The following CUX1 variants were observed in gnomAD, a reference collection of about 807,000 sequenced individuals.
The protein encoded by CUX1 is protein CASP.
Under a neutral mutation model 158.8 loss-of-function variants are expected in CUX1, and 31 were observed. The observed-to-expected ratio is 0.20, with a 90% CI of 0.15 to 0.26. The LOEUF (loss-of-function observed/expected upper bound fraction) is 0.26, where lower values mean the gene tolerates loss of function less well. Ranked by LOEUF, CUX1 falls within the 10% of genes least tolerant of loss-of-function variation. The pLI is 1.00. For missense variants in CUX1, 1,589 were observed against 2,014.6 expected (o/e 0.79, Z 4.04); for synonymous variants, 879 against 862.1 (o/e 1.02, Z -0.34).
In CUX1 at chr7:102,201,394, C is replaced by T. The variant is rs376585318; in HGVS notation, c.2097C>T (p.Ser699=). The change falls in exon 18 of 24, where the codon AGC becomes AGT. Residue 699 remains serine (S), a synonymous_variant. Transcript: ENST00000292535. This position sits in a 1 kb window ranked among gnomAD's most constrained non-coding sequence, Gnocchi z 5.0. ...CCCAGCCTTCCTCCGCATCCGGCAG[C>T]GGGAACTCTGATGACGCCATCCGCT... ...EPAQPSSASG[S]GNSDDAIRSI... The T allele has an allele frequency of 8.7e-6, 14 of 1,613,792 alleles. No individual in the cohort carries two copies. The highest frequency in any genetic ancestry group is 8.0e-5 in the African/African-American group (6 of 74,940).
chr7:102,129,408 G>A (rs1178177149), intron 8 of CUX1, among the ~76,000 whole-genome samples: 1 of 152,136 alleles, frequency 6.6e-6, no homozygotes, highest in Non-Finnish European at 1.5e-5. Context: ...CCAGGGCTGG[G>A]CACAGTGGCT....
intron 4 of CUX1, among the ~76,000 whole-genome samples, chr7:102,084,427 CTT>C (rs11353240): frequency 9.5e-5 from 11 of 116,274 alleles, no homozygotes; most frequent in South Asian, 2.7e-4. Context: ...ATACTTTTTT[CTT>C]TTTTTTTTTT....
chr7:102,058,862 C>T (rs1320739603), intron 3 of CUX1, among the ~76,000 whole-genome samples: 1 of 152,182 alleles, frequency 6.6e-6, no homozygotes, highest in Non-Finnish European at 1.5e-5. Flanking sequence ...TTTTTGGGAG[C>T]AGCAGTAGGA....
intron 1 of CUX1, among the ~76,000 whole-genome samples, chr7:101,853,666 A>G (rs1584768260): frequency 6.6e-6 from 1 of 151,122 alleles, no homozygotes; most frequent in Middle Eastern, 3.4e-3. Context: ...TAAGTAATTA[A>G]CCCAGGTGTC....
At chr7:102,104,175 AAAGGTCTCTG>A (rs1165730854) in intron 5 of CUX1, among the ~76,000 whole-genome samples, 151 bp from the exon 6 acceptor site, 1 of 152,148 alleles carries the variant, frequency 6.6e-6, no homozygotes, top group African/African-American at 2.4e-5. Flanking sequence ...TTAGGGAGTA[AAAGGTCTCTG>A]AAGGGACTCA....
chr7:101,921,293 G>A (rs1180466400), intron 2 of CUX1, among the ~76,000 whole-genome samples: 4 of 152,106 alleles, frequency 2.6e-5, no homozygotes, highest in Non-Finnish European at 4.4e-5. Context: ...GTGCCTGTAC[G>A]AGAAGGGCTG....
At chr7:101,839,297 C>G (rs370719632) in intron 1 of CUX1, among the ~76,000 whole-genome samples, 1 of 152,164 alleles carries the variant, frequency 6.6e-6, no homozygotes, top group Non-Finnish European at 1.5e-5. Context: ...TCTGACCCCC[C>G]TCCCCCAAGC....
chr7:101,857,868 A>T (rs890035840), intron 1 of CUX1, among the ~76,000 whole-genome samples: 1 of 152,154 alleles, frequency 6.6e-6, no homozygotes, highest in Non-Finnish European at 1.5e-5. Flanking sequence ...CACGCCTGTA[A>T]TCCCAGCACT....
chr7:102,252,003 A>G lies in CUX1; in HGVS notation c.*2961A>G. The G allele has an allele frequency of 1.0e-6, 1 of 985,368 alleles. No individual in the cohort carries two copies. Among genetic ancestry groups the G allele is most frequent in the South Asian group, 4.7e-5 (1 of 21,278 alleles). 61.0% of individuals were successfully genotyped at this position (985,368 alleles called of 1,614,324 possible). A position where few individuals can be genotyped will look rare whatever the true frequency, so the allele number is the denominator to read the frequency against. The stretch of plus-strand genomic sequence containing the variant: ...TCTGTTTTTACTTCTTAGATTTTTA[A>G]CTAGGTTACTGTTGGTTCCCATTCT... On this transcript the variant is annotated 3_prime_UTR_variant, in exon 24 of 24. Transcript: ENST00000292535.
intron 2 of CUX1, among the ~76,000 whole-genome samples, chr7:101,939,093 ATATATATATATATATATAT>A (rs1807361918): frequency 1.5e-5 from 1 of 64,696 alleles, no homozygotes; most frequent in Non-Finnish European, 3.4e-5. Flanking sequence ...ATATATATAT[ATATATATATATATATATAT>A]ATGATGGTTC....
At chr7:101,984,657 G>A (rs1448129732) in intron 2 of CUX1, among the ~76,000 whole-genome samples, 1 of 152,172 alleles carries the variant, frequency 6.6e-6, no homozygotes, top group Non-Finnish European at 1.5e-5. Flanking sequence ...CAGATGGGCA[G>A]TCGGGAGGGA....
intron 2 of CUX1, among the ~76,000 whole-genome samples, chr7:101,969,774 G>A (rs748123733): frequency 2.0e-4 from 31 of 152,020 alleles, no homozygotes; most frequent in Admixed American, 3.3e-4. Flanking sequence ...TTGAAAATGT[G>A]TGCAGTGTAT....
At chr7:101,939,133 C>G (rs1011964792) in intron 2 of CUX1, among the ~76,000 whole-genome samples, 3 of 129,488 alleles carry the variant, frequency 2.3e-5, no homozygotes, top group East Asian at 4.9e-4. Context: ...CACTGTCCCC[C>G]CTATTCTCCC....
intron 2 of CUX1, among the ~76,000 whole-genome samples, chr7:101,972,262 G>A (rs181385411): frequency 9.7e-4 from 148 of 152,258 alleles, no homozygotes; most frequent in Admixed American, 1.8e-3. Flanking sequence ...CACCGTGCCC[G>A]GGCCAGATCA....
chr7:102,275,544 G>T (rs1260209512), intron 17 of CUX1, among the ~76,000 whole-genome samples: 6 of 152,196 alleles, frequency 3.9e-5, no homozygotes, highest in African/African-American at 1.4e-4. Context: ...AGAAGACTCA[G>T]ATGCTCACAG....
In CUX1 at chr7:102,257,155, C is replaced by G. The variant is rs1789984225; in HGVS notation, c.*8113C>G. 3.0e-6 allele frequency: 3 copies of G among 985,418 alleles called. No homozygotes were observed. The highest frequency in any genetic ancestry group is 3.6e-6 in the Non-Finnish European group (3 of 829,946). The allele number at this position is 985,418 out of a possible 1,614,324, so 61.0% of individuals were successfully genotyped here. On this transcript the variant is annotated 3_prime_UTR_variant, in exon 24 of 24. Transcript: ENST00000292535. Reference sequence around the variant, plus strand: ...GAAGGAAACTTACCCCAGGCCAAGGCAAGGGCCCTGCTCACCCCAAGGTAG... The same window carrying G: ...GAAGGAAACTTACCCCAGGCCAAGGGAAGGGCCCTGCTCACCCCAAGGTAG...
chr7:102,060,840 C>T (rs1004651997), intron 3 of CUX1, among the ~76,000 whole-genome samples: 3 of 150,510 alleles, frequency 2.0e-5, no homozygotes, highest in Non-Finnish European at 4.4e-5. Context: ...TCTTGAATTC[C>T]TGACCTTGTG....
At chr7:101,992,300 C>T (rs953517026) in intron 2 of CUX1, among the ~76,000 whole-genome samples, 11 of 152,284 alleles carry the variant, frequency 7.2e-5, no homozygotes, top group African/African-American at 2.6e-4. Flanking sequence ...TTTACCTGCT[C>T]AGCAGTATTG....
At chr7:101,843,476 A>C (rs1262427736) in intron 1 of CUX1, among the ~76,000 whole-genome samples, 1 of 152,138 alleles carries the variant, frequency 6.6e-6, no homozygotes, top group Non-Finnish European at 1.5e-5. Flanking sequence ...CTGGATTTTA[A>C]AGTTGTGCAA....
Sources: gnomAD v4.1 joint callset for allele counts (sites outside exome capture counted in the v4.1 genomes callset) on GRCh38, gnomAD v4.1.1 for gene constraint, Gnocchi (gnomAD v3.1) non-coding constraint, MANE v1.5 for transcripts, NCBI Gene and HGNC (gene_info 2026-07-23, HGNC 2026-07-21) for gene names.